The following KATNAL2 variants were observed in gnomAD, a reference collection of about 807,000 sequenced individuals.
KATNAL2 encodes katanin p60 ATPase-containing subunit A-like 2.
In KATNAL2, 52 loss-of-function variants were observed where a neutral mutation model predicts 76.3. That is an observed-to-expected ratio of 0.68 (90% CI 0.55 to 0.86). The LOEUF is 0.86. Ranked by LOEUF, KATNAL2 falls within the 40% of genes least tolerant of loss-of-function variation. KATNAL2 has a pLI of 0.00. For missense variants in KATNAL2, 660 were observed against 668.9 expected (o/e 0.99, Z 0.15); for synonymous variants, 243 against 244.2 (o/e 1.00, Z 0.05).
At chr18:46,927,859 TC>T (rs2058777021) in intron 1 of KATNAL2, among the ~76,000 whole-genome samples, 1 of 152,238 alleles carries the variant, frequency 6.6e-6, no homozygotes, top group African/African-American at 2.4e-5. Context: ...TGATACCCTT[TC>T]TTCCAGTTGA....
chr18:47,032,511 G>A (rs977770331), intron 3 of KATNAL2: 59 of 192,084 alleles, frequency 3.1e-4, no homozygotes, highest in Admixed American at 3.7e-4. Context: ...ACCTCCCAAA[G>A]GAGGATGGCT....
At chr18:47,056,215 G>A (rs1387086738) in intron 6 of KATNAL2, among the ~76,000 whole-genome samples, 3 of 152,138 alleles carry the variant, frequency 2.0e-5, no homozygotes, top group Non-Finnish European at 4.4e-5. Context: ...ATAAAATAAG[G>A]TTTAAGCTCT....
intron 1 of KATNAL2, among the ~76,000 whole-genome samples, chr18:46,940,408 C>G (rs1244761314): frequency 2.6e-5 from 4 of 152,240 alleles, no homozygotes; most frequent in Non-Finnish European, 5.9e-5. Flanking sequence ...TATACCAACA[C>G]AGAATGTCTG....
intron 3 of KATNAL2, among the ~76,000 whole-genome samples, chr18:47,036,908 G>T (rs1367958954): frequency 6.6e-6 from 1 of 152,134 alleles, no homozygotes; most frequent in African/African-American, 2.4e-5. Flanking sequence ...TGAAAGTTAG[G>T]AAGTTTCCTG....
intron 3 of KATNAL2, among the ~76,000 whole-genome samples, chr18:47,040,233 A>G (rs1012007784): frequency 6.6e-6 from 1 of 152,256 alleles, no homozygotes; most frequent in African/African-American, 2.4e-5. Flanking sequence ...ATTGTAAAAG[A>G]CATCATTCAT....
chr18:46,931,772 GAAAT>G (rs1403096832), intron 1 of KATNAL2, among the ~76,000 whole-genome samples: 1 of 151,768 alleles, frequency 6.6e-6, no homozygotes, highest in Non-Finnish European at 1.5e-5. Flanking sequence ...TAGAATAAAA[GAAAT>G]AAAGACAGCA....
chr18:46,941,372 C>T (rs1483586602), intron 1 of KATNAL2, among the ~76,000 whole-genome samples: 2 of 151,950 alleles, frequency 1.3e-5, no homozygotes, highest in Non-Finnish European at 2.9e-5. Context: ...AAAGCCCATT[C>T]AGAAATCACC....
chr18:47,032,697 T>C, intron 3 of KATNAL2: 4 of 451,622 alleles, frequency 8.9e-6, no homozygotes, highest in East Asian at 8.2e-5. Flanking sequence ...AAATCTCACA[T>C]CTTTTTCCTT....
intron 1 of KATNAL2, among the ~76,000 whole-genome samples, chr18:46,921,862 A>G (rs1368989154): frequency 6.6e-6 from 1 of 151,920 alleles, no homozygotes; most frequent in Non-Finnish European, 1.5e-5. Flanking sequence ...AACCCATTAG[A>G]CTTTACTGAT....
At chr18:47,071,840 T>C (rs1002823000) in intron 13 of KATNAL2, among the ~76,000 whole-genome samples, 1 of 150,456 alleles carries the variant, frequency 6.6e-6, no homozygotes, top group African/African-American at 2.5e-5. Flanking sequence ...TCTGGTTCAG[T>C]ATTATTTTGT....
chr18:47,031,773 T>C (rs1259031839), intron 3 of KATNAL2, among the ~76,000 whole-genome samples: 1 of 152,150 alleles, frequency 6.6e-6, no homozygotes, highest in Non-Finnish European at 1.5e-5. Flanking sequence ...CCTCCCCACC[T>C]GGACTTTTTT....
rs75085294 is a variant in KATNAL2 at position 47,095,930 on chromosome 18, G to C, written c.1212-3313G>C. On this transcript the variant is annotated intron_variant, in intron 15 of 17. Transcript: ENST00000683218. ...CTTCTTTTCCTTGACCCTGTGCCTT[G>C]AATATAAATGTGCCTTGAGAGGGGG... Among the ~76,000 whole-genome samples the C allele has an allele frequency of 6.8e-3, 1,037 of 152,282 alleles. 10 individuals are homozygous for C. The highest frequency in any genetic ancestry group is 0.026 in the East Asian group (133 of 5,184).
intron 3 of KATNAL2, among the ~76,000 whole-genome samples, chr18:47,045,191 T>A (rs1326962362): frequency 2.0e-5 from 3 of 152,244 alleles, no homozygotes; most frequent in East Asian, 3.9e-4. Flanking sequence ...TAGAAAAAAA[T>A]TTAGTATTAT....
At position 46,917,606 on chromosome 18, in the gene KATNAL2, C is replaced by A. The variant is rs1352858271; in HGVS notation, c.-830C>A. Reference sequence around the variant, plus strand: ...CCGCCTTCCGCCCGCGCCTTCAGTCCGCGCGGCGACAGCGCCCGCCCGCGC... The same window carrying A: ...CCGCCTTCCGCCCGCGCCTTCAGTCAGCGCGGCGACAGCGCCCGCCCGCGC... On this transcript the variant is annotated 5_prime_UTR_variant, in exon 1 of 18. Transcript: ENST00000683218. 8 of 997,896 alleles carry A rather than the reference C, an allele frequency of 8.0e-6. No individual in the cohort carries two copies. Among genetic ancestry groups the A allele is most frequent in the Non-Finnish European group, 9.6e-6 (8 of 831,536 alleles). 61.8% of individuals were successfully genotyped at this position (997,896 alleles called of 1,614,324 possible).
At chr18:47,071,953 C>CATTTTTTT (rs2062020246) in intron 13 of KATNAL2, among the ~76,000 whole-genome samples, 2 of 43,950 alleles carry the variant, frequency 4.6e-5, no homozygotes, top group Non-Finnish European at 7.2e-5. Context: ...CCAATTTCTT[C>CATTTTTTT]TTTTTTTTTT....
chr18:46,919,409 C>T (rs2058386829), intron 1 of KATNAL2, among the ~76,000 whole-genome samples: 2 of 152,074 alleles, frequency 1.3e-5, no homozygotes, highest in African/African-American at 2.4e-5. Context: ...TCGCTTGAAC[C>T]CTGGAGGCGG....
At position 47,101,080 on chromosome 18, in the gene KATNAL2, A is replaced by C; in HGVS notation, c.*75A>C. 2.0e-6 allele frequency: 3 copies of C among 1,521,640 alleles called. No homozygotes were observed. Among genetic ancestry groups the C allele is most frequent in the Non-Finnish European group, 2.7e-6 (3 of 1,105,288 alleles). The allele number at this position is 1,521,640 out of a possible 1,614,324, so 94.3% of individuals were successfully genotyped here. A position where few individuals can be genotyped will look rare whatever the true frequency, so the allele number is the denominator to read the frequency against. ...AGTTTATTAATGTCCGTGGGAGAACAAAATGATTGGAATGGAAAAGAGAAA... is the reference window on the plus strand; with the variant it reads ...AGTTTATTAATGTCCGTGGGAGAACCAAATGATTGGAATGGAAAAGAGAAA... On this transcript the variant is annotated 3_prime_UTR_variant, in exon 18 of 18. Transcript: ENST00000683218.
Position 47,084,360 on chromosome 18 carries a change from A to T in KATNAL2, c.1211+6899A>T, listed in dbSNP as rs896028764. 8.5e-6 allele frequency: 6 copies of T among 702,946 alleles called. No homozygotes were observed. In the African/African-American group the frequency reaches 8.7e-5, roughly 10 times the overall value. The allele number at this position is 702,946 out of a possible 1,614,324, so 43.5% of individuals were successfully genotyped here. A position where few individuals can be genotyped will look rare whatever the true frequency, so the allele number is the denominator to read the frequency against. ...CCACATGCATTTTTGGGCTCCAGGA[A>T]GAAGCTGTCCTCCCTGCCTGCAATC... On this transcript the variant is annotated intron_variant, in intron 15 of 17. Transcript: ENST00000683218.
At chr18:47,050,089 G>T (rs1390648368) in intron 4 of KATNAL2, among the ~76,000 whole-genome samples, 2 of 152,018 alleles carry the variant, frequency 1.3e-5, no homozygotes, top group Non-Finnish European at 2.9e-5. Context: ...TGTTGCCCAG[G>T]CTGGTCTGGG....
Sources: allele counts gnomAD v4.1 joint callset (sites outside exome capture counted in the v4.1 genomes callset), GRCh38; gene constraint gnomAD v4.1.1; transcripts MANE v1.5; gene names NCBI Gene and HGNC (gene_info 2026-07-23, HGNC 2026-07-21).